Variants in EHHADH observed in about 807,000 individuals in gnomAD.
The protein encoded by EHHADH is peroxisomal bifunctional enzyme.
A neutral mutation model predicts 64.4 loss-of-function variants in EHHADH; 48 were observed. The observed-to-expected ratio is 0.75, with a 90% CI of 0.59 to 0.95. The LOEUF (loss-of-function observed/expected upper bound fraction) is 0.95, where lower values mean the gene tolerates loss of function less well. Among genes scored for constraint, EHHADH ranks in the 40% least tolerant of loss-of-function variants. The pLI is 0.00. For synonymous variants in EHHADH, 308 were observed against 326.7 expected (o/e 0.94, Z 0.62); for missense variants, 854 against 876.6 (o/e 0.97, Z 0.33).
At chr3:185,240,461 G>C (rs1225792869) in intron 2 of EHHADH, among the ~76,000 whole-genome samples, 1 of 151,384 alleles carries the variant, frequency 6.6e-6, no homozygotes, top group African/African-American at 2.4e-5. Context: ...GTATTGGTCT[G>C]TTCAGGATTT....
At chr3:185,219,964 G>C (rs1240635729) in intron 4 of EHHADH, among the ~76,000 whole-genome samples, 4 of 152,186 alleles carry the variant, frequency 2.6e-5, no homozygotes, top group Admixed American at 2.0e-4. Flanking sequence ...TCCTTCTGGA[G>C]TAAGGAGTAG....
rs1718337783 is a variant in EHHADH at position 185,204,692 on chromosome 3, T to A, written c.634A>T (p.Ile212Phe). ...PIQSLPNMDSIFSEALLKMRR... is the reference protein window; with the variant it reads ...PIQSLPNMDSFFSEALLKMRR... Reference sequence around the variant, plus strand: ...ATCTTCAAGAGGGCCTCACTAAAAATGCTGTCCATGTTGGGCAAGCTCTGA... The same window carrying A: ...ATCTTCAAGAGGGCCTCACTAAAAAAGCTGTCCATGTTGGGCAAGCTCTGA... The change falls in exon 6 of 7, where the codon ATT becomes TTT. Residue 212 changes from isoleucine to phenylalanine, a missense_variant. Coordinates refer to ENST00000231887, the MANE Select transcript of EHHADH (RefSeq NM_001966.4). 6.2e-7 allele frequency: 1 copy of A among 1,614,190 alleles called. No individual in the cohort carries two copies.
intron 6 of EHHADH, among the ~76,000 whole-genome samples, chr3:185,196,334 GA>G (rs1044778290): frequency 6.6e-6 from 1 of 152,124 alleles, no homozygotes; most frequent in African/African-American, 2.4e-5. Flanking sequence ...GAAGCAATTT[GA>G]ATGTTCATCA....
intron 5 of EHHADH, among the ~76,000 whole-genome samples, chr3:185,208,990 G>A (rs1718469143): frequency 6.6e-6 from 1 of 152,178 alleles, no homozygotes; most frequent in South Asian, 2.1e-4. Context: ...AATCTATAGA[G>A]ACAGAAAGAT....
At chr3:185,247,053 A>G (rs1719615150) in intron 2 of EHHADH, among the ~76,000 whole-genome samples, 1 of 152,082 alleles carries the variant, frequency 6.6e-6, no homozygotes, top group African/African-American at 2.4e-5. Context: ...TTTGTTATTG[A>G]TTTCTAGCTT....
At chr3:185,210,953 G>T (rs1033611097) in intron 5 of EHHADH, among the ~76,000 whole-genome samples, 1 of 152,142 alleles carries the variant, frequency 6.6e-6, no homozygotes, top group Non-Finnish European at 1.5e-5. Flanking sequence ...ACTGCATATG[G>T]GCATTTTGGG....
intron 2 of EHHADH, among the ~76,000 whole-genome samples, chr3:185,239,927 A>C (rs1719402215): frequency 6.6e-6 from 1 of 151,950 alleles, no homozygotes; most frequent in African/African-American, 2.4e-5. Flanking sequence ...TGTTGTATAT[A>C]GCTTTTATTA....
chr3:185,206,209 G>A (rs1218351207), intron 5 of EHHADH, among the ~76,000 whole-genome samples: 2 of 150,188 alleles, frequency 1.3e-5, no homozygotes, highest in East Asian at 3.9e-4. Flanking sequence ...TAATCGTTCA[G>A]AAAAAAATCC....
chr3:185,194,089 GAA>G (rs1189217251), intron 6 of EHHADH, among the ~76,000 whole-genome samples: 1 of 152,160 alleles, frequency 6.6e-6, no homozygotes, highest in Non-Finnish European at 1.5e-5. Context: ...AATTCACATA[GAA>G]ATGCAAGAAA....
intron 2 of EHHADH, among the ~76,000 whole-genome samples, chr3:185,242,095 T>C (rs1719470903): frequency 6.6e-6 from 1 of 151,866 alleles, no homozygotes; most frequent in Non-Finnish European, 1.5e-5. Flanking sequence ...TGCAAAAAAA[T>C]AAAATAAACT....
At chr3:185,214,788 C>T (rs923420864) in intron 5 of EHHADH, among the ~76,000 whole-genome samples, 5 of 152,198 alleles carry the variant, frequency 3.3e-5, no homozygotes, top group East Asian at 1.9e-4. Context: ...TTGAGATTAT[C>T]GTTTTTACAT....
Position 185,238,227 on chromosome 3 carries a change from C to T in EHHADH, c.179-2765G>A, listed in dbSNP as rs530213417. Among the ~76,000 whole-genome samples the T allele has an allele frequency of 8.5e-5, 13 of 152,214 alleles. No homozygotes were observed. In the South Asian group the frequency reaches 2.7e-3, roughly 32 times the overall value. On this transcript the variant is annotated intron_variant, in intron 2 of 6. Transcript: ENST00000231887. ...CAGTGCTGTGATAAACATATGAGTA[C>T]AGGTATCTTTTGATATAATAATATA...
At chr3:185,221,296 T>C (rs889125240) in intron 4 of EHHADH, among the ~76,000 whole-genome samples, 6 of 152,222 alleles carry the variant, frequency 3.9e-5, no homozygotes, top group Non-Finnish European at 7.3e-5. Flanking sequence ...TTTTGTCTTT[T>C]GCACAATAAA....
chr3:185,199,897 AC>A (rs1357828881), intron 6 of EHHADH, among the ~76,000 whole-genome samples: 3 of 152,080 alleles, frequency 2.0e-5, no homozygotes, highest in Non-Finnish European at 4.4e-5. Context: ...GGCATGTGCC[AC>A]CATGCCCGGC....
intron 5 of EHHADH, among the ~76,000 whole-genome samples, chr3:185,212,987 C>T (rs565451422): frequency 2.6e-5 from 4 of 151,462 alleles, no homozygotes; most frequent in African/African-American, 7.3e-5. Context: ...GGGTGTGCTG[C>T]CTTGTGCCTG....
chr3:185,233,232 T>C (rs1719185706), intron 3 of EHHADH, among the ~76,000 whole-genome samples: 1 of 152,192 alleles, frequency 6.6e-6, no homozygotes, highest in Non-Finnish European at 1.5e-5. Context: ...TAATGGAGGC[T>C]ACAGAGGAGC....
chr3:185,243,663 A>T (rs1265990449), intron 2 of EHHADH, among the ~76,000 whole-genome samples: 1 of 152,062 alleles, frequency 6.6e-6, no homozygotes, highest in Non-Finnish European at 1.5e-5. Flanking sequence ...CTTGCTACTG[A>T]TTTCTACTTT....
intron 4 of EHHADH, among the ~76,000 whole-genome samples, chr3:185,227,741 G>C (rs1320713114): frequency 6.6e-6 from 1 of 152,108 alleles, no homozygotes; most frequent in Non-Finnish European, 1.5e-5. Flanking sequence ...CAGGAGAATC[G>C]CTTGAACCTG....
intron 2 of EHHADH, 136 bp downstream of exon 2, chr3:185,248,278 G>T: frequency 1.4e-6 from 1 of 725,398 alleles, no homozygotes. Flanking sequence ...TCTCCACAGT[G>T]TTACTCATTC....
Sources: gnomAD v4.1 joint callset for allele counts (sites outside exome capture counted in the v4.1 genomes callset) on GRCh38, gnomAD v4.1.1 for gene constraint, MANE v1.5 for transcripts, NCBI Gene and HGNC (gene_info 2026-07-23, HGNC 2026-07-21) for gene names.